Variants in KCNJ5 observed in about 807,000 individuals in gnomAD.
The protein encoded by KCNJ5 is G protein-activated inward rectifier potassium channel 4.
A neutral mutation model predicts 20.2 loss-of-function variants in KCNJ5; 12 were observed. That is an observed-to-expected ratio of 0.59 (90% CI 0.38 to 0.96). KCNJ5 has a LOEUF of 0.96. KCNJ5 is among the 40% of genes least tolerant of loss of function. The pLI is 0.00. For synonymous variants in KCNJ5, 210 were observed against 213.9 expected (o/e 0.98, Z 0.16); for missense variants, 449 against 557.6 (o/e 0.81, Z 1.96).
rs1421892532 is a variant in KCNJ5 at position 128,898,879 on chromosome 11, C to T, written c.-11+7158C>T. Among the ~76,000 whole-genome samples the T allele has an allele frequency of 5.9e-5, 9 of 152,298 alleles. No individual in the cohort carries two copies. The East Asian group carries it at 1.7e-3, about 29-fold the overall frequency. On this transcript the variant is annotated intron_variant, in intron 1 of 2. Transcript: ENST00000529694. ...ATTTTTAGTAGAGATGGAGTTTCAC[C>T]ATGTTCGCTACGCTGTTCTCGAACT...
chr11:128,895,382 A>C (rs867515755), intron 1 of KCNJ5, among the ~76,000 whole-genome samples: 7,015 of 140,294 alleles, frequency 0.05, 3 homozygotes, highest in Non-Finnish European at 0.06. Context: ...GTGTGCCCCC[A>C]CCCCCCCCCC....
intron 1 of KCNJ5, among the ~76,000 whole-genome samples, chr11:128,895,035 T>C (rs1014375173): frequency 6.9e-6 from 1 of 145,598 alleles, no homozygotes; most frequent in African/African-American, 2.6e-5. Context: ...CGGCACTTCC[T>C]GGTCACCAGG....
At chr11:128,893,407 G>A (rs1280108294) in intron 1 of KCNJ5, among the ~76,000 whole-genome samples, 2 of 151,754 alleles carry the variant, frequency 1.3e-5, no homozygotes, top group African/African-American at 4.8e-5. Flanking sequence ...AGACCAACTG[G>A]GGCAACATAG....
At chr11:128,904,483 C>G (rs781665635) in intron 1 of KCNJ5, 2 of 1,602,706 alleles carry the variant, frequency 1.2e-6, no homozygotes, top group Non-Finnish European at 1.7e-6. Flanking sequence ...GCACGTTGTC[C>G]AGCTCCCAGC....
At chr11:128,895,381 C>G (rs1451908528) in intron 1 of KCNJ5, among the ~76,000 whole-genome samples, 1 of 62,224 alleles carries the variant, frequency 1.6e-5, no homozygotes, top group African/African-American at 6.4e-5. Context: ...AGTGTGCCCC[C>G]ACCCCCCCCC....
rs910086129 is a variant in KCNJ5 at position 128,904,009 on chromosome 11, G to A, written c.-10-7255G>A. Among the ~76,000 whole-genome samples the A allele has an allele frequency of 2.6e-5, 4 of 152,160 alleles. No individual in the cohort carries two copies. The East Asian group carries it at 5.8e-4, about 22-fold the overall frequency. ...TTTGGAATCAGACAAAACCTAGCCC[G>A]CTGCTTAGTAACTGTGTGGCCTGAA... On this transcript the variant is annotated intron_variant, in intron 1 of 2. Coordinates refer to ENST00000529694, the MANE Select transcript of KCNJ5 (RefSeq NM_000890.5).
In KCNJ5 at chr11:128,911,969, C is replaced by T; in HGVS notation, c.696C>T (p.Ala232=). 6.2e-7 allele frequency: 1 copy of T among 1,601,234 alleles called. No individual in the cohort carries two copies. Among genetic ancestry groups the T allele is most frequent in the South Asian group, 1.1e-5 (1 of 89,314 alleles). The part of the protein sequence containing the change: ...GDLRNSHIVE[A]SIRAKLIKSR... ...TCCGCAACTCCCACATCGTGGAGGC[C>T]TCCATCCGGGCCAAGCTCATCAAGT... Residue 232 remains alanine, a synonymous_variant, in exon 2 of 3, where the codon GCC becomes GCT. Coordinates refer to ENST00000529694, the MANE Select transcript of KCNJ5 (RefSeq NM_000890.5). This position sits in a 1 kb window ranked among gnomAD's most constrained non-coding sequence, Gnocchi z 6.3.
rs766601044 is a variant in KCNJ5, at chr11:128,916,389, T to C, written c.938-20T>C. 4 of 1,586,272 alleles carry C rather than the reference T, an allele frequency of 2.5e-6. No homozygotes were observed. The highest frequency in any genetic ancestry group is 1.3e-5 in the African/African-American group (1 of 74,256). ...GGATGGATGATTGCATCATAATGCA[T>C]GTAACTTCCGTTTCCCCAGGCATGA... On this transcript the variant is annotated intron_variant, in intron 2 of 2. Coordinates refer to ENST00000529694, the MANE Select transcript of KCNJ5 (RefSeq NM_000890.5).
rs1389808024 is a variant in KCNJ5, at chr11:128,911,457, G to A, written c.184G>A (p.Val62Met). Residue 62 changes from valine (V) to methionine (M), a missense_variant, in exon 2 of 3, where the codon GTG becomes ATG. Val to Met is a conservative substitution (Grantham distance 21). This residue lies in a region of KCNJ5 where 203 missense variants were observed against 258.0 expected (regional missense o/e 0.79). Coordinates refer to ENST00000529694, the MANE Select transcript of KCNJ5 (RefSeq NM_000890.5). This position sits in a 1 kb window ranked among gnomAD's most constrained non-coding sequence, Gnocchi z 6.3. ...CATGGAGAAGAGTGGCAAGTGCAAC[G>A]TGCACCACGGCAACGTCCAGGAGAC... ...RYMEKSGKCN[V>M]HHGNVQETYR... 2.5e-6 allele frequency: 4 copies of A among 1,614,234 alleles called. No individual in the cohort carries two copies. Among genetic ancestry groups the A allele is most frequent in the East Asian group, 2.2e-5 (1 of 44,880 alleles).
intron 2 of KCNJ5, among the ~76,000 whole-genome samples, chr11:128,914,369 C>G (rs1944546191): frequency 6.6e-6 from 1 of 152,218 alleles, no homozygotes; most frequent in South Asian, 2.1e-4. Context: ...CCACACCTCC[C>G]TCAAAGTCAG....
chr11:128,914,875 G>A (rs1388891177), intron 2 of KCNJ5, among the ~76,000 whole-genome samples: 2 of 152,254 alleles, frequency 1.3e-5, no homozygotes, highest in African/African-American at 2.4e-5. Flanking sequence ...CTGGGAGGCT[G>A]CAGACGTCTG....
chr11:128,915,970 A>G (rs1944571631), intron 2 of KCNJ5, among the ~76,000 whole-genome samples: 1 of 92,762 alleles, frequency 1.1e-5, no homozygotes, highest in South Asian at 4.6e-4. Context: ...GATTGGATGG[A>G]TGGATGGATG....
intron 1 of KCNJ5, chr11:128,902,456 G>A: frequency 6.8e-7 from 1 of 1,463,902 alleles, no homozygotes; most frequent in Non-Finnish European, 9.3e-7. Context: ...GGAGGAGAAG[G>A]CAGCGAGGAA....
chr11:128,905,694 T>A (rs1944396561), intron 1 of KCNJ5: 1 of 106,718 alleles, frequency 9.4e-6, no homozygotes, highest in African/African-American at 3.7e-5. Flanking sequence ...ACCTTAGGCG[T>A]GGGAGGGACG....
Position 128,891,431 on chromosome 11 carries a change from C to A in KCNJ5, c.-301C>A, listed in dbSNP as rs868416561. The A allele has an allele frequency of 2.2e-5, 2 of 92,688 alleles. No homozygotes were observed. The highest frequency in any genetic ancestry group is 9.5e-5 in the African/African-American group (2 of 21,040). The allele number at this position is 92,688 out of a possible 1,614,324, so 5.7% of individuals were successfully genotyped here. ...ACACACACACACACACACACACACACACACACACACAGAGAGAGAGAGAGA... is the reference window on the plus strand; with the variant it reads ...ACACACACACACACACACACACACAAACACACACACAGAGAGAGAGAGAGA... On this transcript the variant is annotated 5_prime_UTR_variant, in exon 1 of 3. Transcript: ENST00000529694.
chr11:128,904,731 C>T (rs1944366244), intron 1 of KCNJ5: 2 of 579,572 alleles, frequency 3.5e-6, no homozygotes, highest in South Asian at 4.2e-5. Context: ...ATTCAAACAC[C>T]CAGTGGGTGT....
Position 128,916,965 on chromosome 11 carries a change from G to A in KCNJ5, c.*234G>A. 2 of 517,790 alleles carry A rather than the reference G, an allele frequency of 3.9e-6. No homozygotes were observed. The highest frequency in any genetic ancestry group is 6.8e-6 in the Non-Finnish European group (2 of 292,078). 32.1% of individuals were successfully genotyped at this position (517,790 alleles called of 1,614,324 possible). On this transcript the variant is annotated 3_prime_UTR_variant, in exon 3 of 3. Transcript: ENST00000529694. ...GCAGTGCTGCCTCTTGTAGGTGCTG[G>A]CTAAGGGCCAGGCCAGGATGAGTTT... is the stretch of plus-strand genomic sequence containing the variant.
rs562825812 is a variant in KCNJ5, at chr11:128,907,852, C to T, written c.-10-3412C>T. 2.0e-5 allele frequency among the ~76,000 whole-genome samples: 3 copies of T among 152,334 alleles called. No individual in the cohort carries two copies. The South Asian group carries it at 6.2e-4, about 32-fold the overall frequency. ...GGGCTGGCTCTGCGTTTATCTTCTT[C>T]ACTGCTTTATGTCCAGCTCCTAGCA... On this transcript the variant is annotated intron_variant, in intron 1 of 2. Transcript: ENST00000529694.
intron 2 of KCNJ5, among the ~76,000 whole-genome samples, chr11:128,913,661 T>C (rs1944534967): frequency 6.6e-6 from 1 of 151,784 alleles, no homozygotes; most frequent in Admixed American, 6.6e-5. Flanking sequence ...ACGCTCAGAA[T>C]GATGCATGTC....
Sources: gnomAD v4.1 joint callset for allele counts (sites outside exome capture counted in the v4.1 genomes callset) on GRCh38, gnomAD v4.1.1 for gene constraint, gnomAD v4.1.1 regional missense constraint, Gnocchi (gnomAD v3.1) non-coding constraint, MANE v1.5 for transcripts, NCBI Gene and HGNC (gene_info 2026-07-23, HGNC 2026-07-21) for gene names.